RBFOX1: variants seen among roughly 807,000 people sequenced by gnomAD.
RBFOX1 encodes RNA binding protein fox-1 homolog 1.
In RBFOX1, 8 loss-of-function variants were observed where a neutral mutation model predicts 57.7. That is an observed-to-expected ratio of 0.14 (90% CI 0.08 to 0.25). RBFOX1 has a LOEUF of 0.25. RBFOX1 is among the 10% of genes least tolerant of loss of function. RBFOX1 has a pLI of 1.00. For synonymous variants in RBFOX1, 326 were observed against 222.4 expected, an observed-to-expected ratio of 1.47 and a Z score of -4.15; for missense variants, 611 against 548.5, an observed-to-expected ratio of 1.11 and a Z score of -1.14.
intron 10 of RBFOX1, among the ~76,000 whole-genome samples, chr16:7,621,388 G>A (rs1386169367): frequency 6.6e-6 from 1 of 152,000 alleles, no homozygotes; most frequent in Non-Finnish European, 1.5e-5. Flanking sequence ...AGCCGCCCAA[G>A]TAGCTGGGGT....
Position 7,518,299 on chromosome 16 carries a change from G to T in RBFOX1, c.180G>T (p.Glu60Asp). The stretch of plus-strand genomic sequence containing the variant: ...ACACAGGCCAGACCACGGTTCCCGA[G>T]CACACATTAAACCTGTACCCTCCCG... ...PEYTGQTTVP[E>D]HTLNLYPPAQ... Residue 60 changes from glutamate to aspartate, a missense_variant, in exon 5 of 16, where the codon GAG becomes GAT. Physicochemically the swap from Glu to Asp is conservative, Grantham distance 45. Transcript: ENST00000550418. 3 of 1,614,136 alleles carry T rather than the reference G, an allele frequency of 1.9e-6. No individual in the cohort carries two copies. The highest frequency in any genetic ancestry group is 1.6e-4 in the Middle Eastern group (1 of 6,062).
chr16:5,534,231 A>G (rs1045422109), intron 2 of RBFOX1, among the ~76,000 whole-genome samples: 5 of 152,160 alleles, frequency 3.3e-5, no homozygotes, highest in African/African-American at 1.2e-4. Context: ...GGGATTTGTC[A>G]TCTACCAAGT....
chr16:7,358,181 C>G (rs781214123), intron 4 of RBFOX1, among the ~76,000 whole-genome samples: 4 of 152,180 alleles, frequency 2.6e-5, no homozygotes, highest in Non-Finnish European at 4.4e-5. Flanking sequence ...ATTGGATATG[C>G]AGAAGCTGTC....
At chr16:7,495,823 A>C (rs1439875829) in intron 4 of RBFOX1, among the ~76,000 whole-genome samples, 1 of 152,270 alleles carries the variant, frequency 6.6e-6, no homozygotes, top group African/African-American at 2.4e-5. Context: ...TCATGTAAGC[A>C]AACATCACCT....
At chr16:6,901,289 C>T (rs575622342) in intron 3 of RBFOX1, among the ~76,000 whole-genome samples, 1 of 152,154 alleles carries the variant, frequency 6.6e-6, no homozygotes, top group Non-Finnish European at 1.5e-5. Flanking sequence ...TAAGCCCATC[C>T]CTCTCCGTGG....
intron 1 of RBFOX1, among the ~76,000 whole-genome samples, chr16:5,339,269 TC>T (rs1232769883): frequency 2.6e-5 from 4 of 152,026 alleles, no homozygotes; most frequent in African/African-American, 9.7e-5. Context: ...CTGAGGTCTG[TC>T]TGCCCCCGCT....
intron 1 of RBFOX1, among the ~76,000 whole-genome samples, chr16:6,296,716 A>G (rs2078160362): frequency 1.3e-5 from 2 of 152,138 alleles, no homozygotes; most frequent in South Asian, 2.1e-4. Context: ...CACCGTACCC[A>G]GCCTGTGTAT....
At chr16:6,332,734 C>G (rs1447589260) in intron 2 of RBFOX1, among the ~76,000 whole-genome samples, 2 of 151,994 alleles carry the variant, frequency 1.3e-5, no homozygotes, top group Non-Finnish European at 2.9e-5. Flanking sequence ...GTATAGGAGT[C>G]TACTGTTTTA....
At chr16:6,398,621 A>G (rs1019304854) in intron 2 of RBFOX1, among the ~76,000 whole-genome samples, 2 of 152,330 alleles carry the variant, frequency 1.3e-5, no homozygotes, top group African/African-American at 4.8e-5. Flanking sequence ...AAGTTCCCAA[A>G]TGAGCTCCTT....
At chr16:6,305,579 A>G (rs2152750771) in intron 1 of RBFOX1, among the ~76,000 whole-genome samples, 1 of 151,482 alleles carries the variant, frequency 6.6e-6, no homozygotes, top group African/African-American at 2.4e-5. Flanking sequence ...GGCCCTCTTC[A>G]GCTTGGGAGG....
intron 3 of RBFOX1, among the ~76,000 whole-genome samples, chr16:6,666,233 A>T (rs1323593734): frequency 6.6e-6 from 1 of 152,056 alleles, no homozygotes; most frequent in Non-Finnish European, 1.5e-5. Flanking sequence ...ATACAGGAGG[A>T]GTTGAAGAAT....
chr16:5,946,821 G>A lies in RBFOX1; in HGVS notation c.351+79486G>A, dbSNP rs1028815066. ...AATTGAACTGTAGGACACCCAGTTG[G>A]TGATGGCAGAGATTTGGAGCATTGC... On this transcript the variant is annotated intron_variant, in intron 4 of 19. Coordinates refer to the RBFOX1 transcript ENST00000641259. This position sits in a 1 kb window ranked among gnomAD's most constrained non-coding sequence, Gnocchi z 4.6. Among the ~76,000 whole-genome samples, 20 of 152,188 alleles carry A rather than the reference G, an allele frequency of 1.3e-4. No homozygotes were observed. Among genetic ancestry groups the A allele is most frequent in the Non-Finnish European group, 1.0e-4 (7 of 68,036 alleles).
At chr16:7,334,291 T>A (rs1489109530) in intron 4 of RBFOX1, among the ~76,000 whole-genome samples, 2 of 152,094 alleles carry the variant, frequency 1.3e-5, no homozygotes, top group Non-Finnish European at 2.9e-5. Flanking sequence ...AACAAATGGG[T>A]CATCTGGAGA....
intron 2 of RBFOX1, among the ~76,000 whole-genome samples, chr16:6,469,721 T>C (rs534110595): frequency 1.3e-5 from 2 of 152,280 alleles, no homozygotes; most frequent in African/African-American, 4.8e-5. Flanking sequence ...TTGAGTAAGA[T>C]TAAAAAGTGA....
At chr16:5,724,654 C>T (rs940256295) in intron 3 of RBFOX1, among the ~76,000 whole-genome samples, 5 of 152,108 alleles carry the variant, frequency 3.3e-5, no homozygotes. Flanking sequence ...TCTTGTTTCT[C>T]AAATAGAGAT....
At chr16:5,425,077 C>T (rs1312731641) in intron 1 of RBFOX1, among the ~76,000 whole-genome samples, 12 of 115,234 alleles carry the variant, frequency 1.0e-4, no homozygotes, top group Middle Eastern at 3.6e-3. Flanking sequence ...ATCTATCTAT[C>T]TATCTATCTA....
chr16:6,932,050 G>T (rs927858793), intron 3 of RBFOX1, among the ~76,000 whole-genome samples: 41 of 152,072 alleles, frequency 2.7e-4, no homozygotes, highest in African/African-American at 8.5e-4. Context: ...ATCCATTCTT[G>T]AGGGCAGAGC....
chr16:6,674,962 G>C (rs1047265182), intron 3 of RBFOX1, among the ~76,000 whole-genome samples: 4 of 152,112 alleles, frequency 2.6e-5, no homozygotes, highest in Non-Finnish European at 5.9e-5. Context: ...CTGGAGTGCA[G>C]TGGCATGATC....
At chr16:5,630,426 C>T (rs1021956027) in intron 3 of RBFOX1, among the ~76,000 whole-genome samples, 2 of 151,906 alleles carry the variant, frequency 1.3e-5, no homozygotes, top group South Asian at 4.2e-4. Context: ...TATTGCACTC[C>T]AGCCTGGGTG....
Sources: gnomAD v4.1 joint callset for allele counts (sites outside exome capture counted in the v4.1 genomes callset) on GRCh38, gnomAD v4.1.1 for gene constraint, Gnocchi (gnomAD v3.1) non-coding constraint, MANE v1.5 for transcripts, NCBI Gene and HGNC (gene_info 2026-07-23, HGNC 2026-07-21) for gene names.